The following TRPM1 variants were observed in gnomAD, a reference collection of about 807,000 sequenced individuals.
The protein encoded by TRPM1 is TRPM1-203 APA Isoform, Intron 10.
A neutral mutation model predicts 149.4 loss-of-function variants in TRPM1; 113 were observed. That is an observed-to-expected ratio of 0.76 (90% confidence interval 0.65 to 0.88). The LOEUF is 0.88. Ranked by LOEUF, TRPM1 falls within the 40% of genes least tolerant of loss-of-function variation. The pLI is 0.00. For synonymous variants in TRPM1, 741 were observed against 759.5 expected (o/e 0.98, Z 0.40); for missense variants, 1,976 against 2,038.7 (o/e 0.97, Z 0.59).
chr15:31,141,323 A>G (rs2036158771), intron 1 of TRPM1, among the ~76,000 whole-genome samples: 1 of 152,162 alleles, frequency 6.6e-6, no homozygotes, highest in Non-Finnish European at 1.5e-5. Flanking sequence ...TACATATTAA[A>G]ATTTTTAATT....
At chr15:31,158,803 CTTAA>C (rs1267472451) in intron 1 of TRPM1, among the ~76,000 whole-genome samples, 1 of 151,932 alleles carries the variant, frequency 6.6e-6, no homozygotes, top group Non-Finnish European at 1.5e-5. Context: ...GATTTATTTT[CTTAA>C]TTATTATATT....
At chr15:31,031,378 G>T in intron 22 of TRPM1, 1 of 593,996 alleles carries the variant, frequency 1.7e-6, no homozygotes, top group Non-Finnish European at 3.0e-6. Context: ...ATCTTCATCT[G>T]CTCTTCATCC....
intron 11 of TRPM1, among the ~76,000 whole-genome samples, chr15:31,051,429 C>T (rs987136399): frequency 2.6e-5 from 4 of 152,234 alleles, no homozygotes; most frequent in African/African-American, 9.6e-5. Flanking sequence ...TTCCATCTGT[C>T]CTGGGCTGTG....
chr15:31,056,261 GAT>G (rs1341218722), intron 11 of TRPM1, among the ~76,000 whole-genome samples: 1 of 152,140 alleles, frequency 6.6e-6, no homozygotes, highest in African/African-American at 2.4e-5. Context: ...TCAAAGAAGA[GAT>G]AGAAGAAAAT....
At chr15:31,013,749 T>G (rs1289702969) in intron 27 of TRPM1, among the ~76,000 whole-genome samples, 2 of 152,204 alleles carry the variant, frequency 1.3e-5, no homozygotes, top group Admixed American at 1.3e-4. Context: ...TTGTTGTTTG[T>G]TTAGTGATTT....
At chr15:31,067,262 C>T (rs1048653279) in intron 5 of TRPM1, 75 bp from the exon 6 acceptor site, 25 of 1,609,852 alleles carry the variant, frequency 1.6e-5, no homozygotes, top group Non-Finnish European at 2.0e-5. Flanking sequence ...TTTAGGGACA[C>T]TTGCCCTGAG....
chr15:31,155,985 T>A (rs2141066332), intron 1 of TRPM1, among the ~76,000 whole-genome samples: 1 of 151,968 alleles, frequency 6.6e-6, no homozygotes, highest in East Asian at 1.9e-4. Context: ...TCACTTGAGA[T>A]CAGGAGTTGA....
chr15:31,090,009 A>G (rs1211120950), intron 1 of TRPM1, among the ~76,000 whole-genome samples: 1 of 152,194 alleles, frequency 6.6e-6, no homozygotes. Flanking sequence ...AAAAAACCCT[A>G]AACTAGTATG....
chr15:31,035,046 T>G (rs1361895190), intron 21 of TRPM1, among the ~76,000 whole-genome samples: 1 of 152,204 alleles, frequency 6.6e-6, no homozygotes. Flanking sequence ...ACTCTGTCAC[T>G]CAGGCTGGAG....
chr15:31,090,353 C>G (rs936155147), intron 1 of TRPM1, among the ~76,000 whole-genome samples: 4 of 152,084 alleles, frequency 2.6e-5, no homozygotes, highest in Non-Finnish European at 5.9e-5. Flanking sequence ...AAACTGCATC[C>G]TGGGGCTGGG....
intron 1 of TRPM1, among the ~76,000 whole-genome samples, chr15:31,117,258 G>A (rs2035811985): frequency 6.6e-6 from 1 of 152,128 alleles, no homozygotes; most frequent in African/African-American, 2.4e-5. Flanking sequence ...GGCCAAGGTG[G>A]GTGGATCACC....
At chr15:31,062,223 G>A (rs1450935502) in intron 9 of TRPM1, among the ~76,000 whole-genome samples, 1 of 152,224 alleles carries the variant, frequency 6.6e-6, no homozygotes, top group Non-Finnish European at 1.5e-5. Flanking sequence ...TGGAACGGAA[G>A]AGGGAAGGAG....
At chr15:31,090,331 A>G (rs945087958) in intron 1 of TRPM1, among the ~76,000 whole-genome samples, 3 of 151,930 alleles carry the variant, frequency 2.0e-5, no homozygotes, top group African/African-American at 7.3e-5. Flanking sequence ...TCCATGTGGT[A>G]TTTTCCATAT....
At chr15:31,032,176 C>A (rs1430196342) in intron 22 of TRPM1, among the ~76,000 whole-genome samples, 1 of 151,978 alleles carries the variant, frequency 6.6e-6, no homozygotes, top group Non-Finnish European at 1.5e-5. Context: ...CCTATTGCAT[C>A]AAAAATTGAT....
chr15:31,019,198 T>C (rs1284543186), intron 27 of TRPM1, among the ~76,000 whole-genome samples: 2 of 152,264 alleles, frequency 1.3e-5, no homozygotes, highest in Non-Finnish European at 2.9e-5. Context: ...CCAGAACTAC[T>C]GATCATAAAG....
chr15:31,152,179 C>G (rs1197934841), intron 1 of TRPM1, among the ~76,000 whole-genome samples: 2 of 152,344 alleles, frequency 1.3e-5, no homozygotes, highest in East Asian at 3.9e-4. Flanking sequence ...TGGGCCCCAT[C>G]CCTCAAGGGC....
At chr15:31,129,431 G>T (rs1267032062) in intron 1 of TRPM1, among the ~76,000 whole-genome samples, 1 of 152,172 alleles carries the variant, frequency 6.6e-6, no homozygotes, top group African/African-American at 2.4e-5. Flanking sequence ...CACCGCCTAT[G>T]AGCCCCGGTT....
chr15:31,140,263 C>A (rs2141051400), intron 1 of TRPM1, among the ~76,000 whole-genome samples: 1 of 151,618 alleles, frequency 6.6e-6, no homozygotes, highest in East Asian at 1.9e-4. Context: ...CCTGTAGACC[C>A]AGCTACTTGG....
In TRPM1 at chr15:31,035,565, G is replaced by A. The variant is rs747730182; in HGVS notation, c.2681C>T (p.Ala894Val). The change falls in exon 21 of 28, where the codon GCG becomes GTG. Residue 894 changes from alanine (A) to valine (V), a missense_variant. Physicochemically the swap from Ala to Val is moderately conservative, Grantham distance 64. Coordinates refer to ENST00000256552, the MANE Select transcript of TRPM1 (RefSeq NM_001252024.2). The stretch of plus-strand genomic sequence containing the variant: ...AGCCACCTCTCGTATCTTCTCTAAC[G>A]CCAGGCTCACGATGTAGGAGATGAC... ...WIVISYIVSL[A>V]LEKIREILMS... 3.7e-6 allele frequency: 6 copies of A among 1,614,046 alleles called. No individual in the cohort carries two copies. The African/African-American group carries it at 4.0e-5, about 11-fold the overall frequency.
Sources: allele counts gnomAD v4.1 joint callset (sites outside exome capture counted in the v4.1 genomes callset), GRCh38; gene constraint gnomAD v4.1.1; transcripts MANE v1.5; gene names NCBI Gene and HGNC (gene_info 2026-07-23, HGNC 2026-07-21).